Variants in DSCAML1 observed in about 807,000 individuals in gnomAD.
DSCAML1 encodes cell adhesion molecule DSCAML1.
Under a neutral mutation model 200.5 loss-of-function variants are expected in DSCAML1, and 38 were observed. That is an observed-to-expected ratio of 0.19 (90% CI 0.15 to 0.25). The LOEUF (loss-of-function observed/expected upper bound fraction) is 0.25, where lower values mean the gene tolerates loss of function less well. Ranked by LOEUF, DSCAML1 falls within the 10% of genes least tolerant of loss-of-function variation. DSCAML1 has a pLI of 1.00. For missense variants in DSCAML1, 2,223 were observed against 2,858.8 expected, an observed-to-expected ratio of 0.78 and a Z score of 5.07; for synonymous variants, 1,215 against 1,165.0, an observed-to-expected ratio of 1.04 and a Z score of -0.87.
intron 3 of DSCAML1, among the ~76,000 whole-genome samples, chr11:117,589,730 G>A (rs2051221783): frequency 6.6e-6 from 1 of 152,176 alleles, no homozygotes; most frequent in Non-Finnish European, 1.5e-5. Context: ...CTTTCAAACG[G>A]GGAAGTTCTT....
intron 14 of DSCAML1, among the ~76,000 whole-genome samples, chr11:117,478,341 G>C (rs190582077): frequency 3.9e-4 from 60 of 152,290 alleles, no homozygotes; most frequent in African/African-American, 1.3e-3. Context: ...AGTGCCATGA[G>C]GGATGTCACC....
At chr11:117,571,788 A>G (rs559394940) in intron 3 of DSCAML1, among the ~76,000 whole-genome samples, 2 of 152,320 alleles carry the variant, frequency 1.3e-5, no homozygotes, top group African/African-American at 4.8e-5. Context: ...CGGCTAAGGA[A>G]TTCTAAGTCA....
intron 3 of DSCAML1, among the ~76,000 whole-genome samples, chr11:117,537,442 G>A (rs996119445): frequency 2.0e-5 from 3 of 152,216 alleles, no homozygotes; most frequent in Admixed American, 6.5e-5. Context: ...TGTACAAAGG[G>A]GGGCTGGGCC....
Position 117,524,946 on chromosome 11 carries a change from G to A in DSCAML1, c.796C>T (p.Leu266Phe). The A allele has an allele frequency of 1.2e-6, 2 of 1,613,574 alleles. No individual in the cohort carries two copies. The highest frequency in any genetic ancestry group is 1.7e-6 in the Non-Finnish European group (2 of 1,179,854). Residue 266 changes from leucine (L) to phenylalanine (F), a missense_variant, in exon 5 of 33, where the codon CTC becomes TTC. This residue lies in a region of DSCAML1 where 579 missense variants were observed against 721.5 expected (regional missense o/e 0.80). Transcript: ENST00000651296. Reference protein sequence around the residue: ...AIRWLKDGRPLPADSRWTKRI... With the variant: ...AIRWLKDGRPFPADSRWTKRI... ...TTGGTCCAGCGGCTGTCAGCCGGGA[G>A]GGGCCGGCCATCCTTGAGCCAGCGG... is the stretch of plus-strand genomic sequence containing the variant.
intron 21 of DSCAML1, among the ~76,000 whole-genome samples, chr11:117,441,300 G>T (rs1259341746): frequency 6.6e-6 from 1 of 152,222 alleles, no homozygotes; most frequent in Non-Finnish European, 1.5e-5. Flanking sequence ...TGCAGCCACA[G>T]CTGTAGCTAG....
At position 117,428,696 on chromosome 11, in the gene DSCAML1, T is replaced by C. The variant is rs1280537654; in HGVS notation, c.5794A>G (p.Asn1932Asp). The C allele has an allele frequency of 1.9e-6, 3 of 1,613,074 alleles. No homozygotes were observed. Residue 1932 changes from asparagine (N) to aspartate (D), a missense_variant, in exon 33 of 33, where the codon AAC (asparagine) becomes GAC (aspartate). Physicochemically the swap from Asn to Asp is conservative, Grantham distance 23. Around this residue, in one of 7 missense-constraint regions of DSCAML1, gnomAD observed 280 missense variants for 213.4 expected, o/e 1.31. Coordinates refer to ENST00000651296, the MANE Select transcript of DSCAML1 (RefSeq NM_020693.4). ...TGGGTGTGGTAGGTTCGAGCCAGGT[T>C]CCGGATGGAGGCCTCACGGGGTGGG... is the stretch of plus-strand genomic sequence containing the variant. ...VVPPREASIR[N>D]LARTYHTQAR...
At chr11:117,761,829 C>T (rs757954174) in intron 3 of DSCAML1, among the ~76,000 whole-genome samples, 1 of 152,210 alleles carries the variant, frequency 6.6e-6, no homozygotes, top group Non-Finnish European at 1.5e-5. Flanking sequence ...TGAGACTATG[C>T]CCCTGCACTT....
chr11:117,760,627 T>C (rs2054782056), intron 3 of DSCAML1, among the ~76,000 whole-genome samples: 1 of 152,210 alleles, frequency 6.6e-6, no homozygotes, highest in African/African-American at 2.4e-5. Context: ...TGGCTTCTGA[T>C]TTTTTGCTAT....
At chr11:117,734,491 C>G (rs919014127) in intron 3 of DSCAML1, among the ~76,000 whole-genome samples, 2 of 152,196 alleles carry the variant, frequency 1.3e-5, no homozygotes, top group Non-Finnish European at 2.9e-5. Flanking sequence ...AGACTTGGGC[C>G]ACCTCGGGCT....
chr11:117,563,931 C>T (rs150622877), intron 3 of DSCAML1, among the ~76,000 whole-genome samples: 114 of 152,224 alleles, frequency 7.5e-4, no homozygotes, highest in Middle Eastern at 3.4e-3. Context: ...GCATCTGTGA[C>T]GGGTGCCAGT....
At chr11:117,558,752 C>T (rs1175854293) in intron 3 of DSCAML1, among the ~76,000 whole-genome samples, 1 of 152,212 alleles carries the variant, frequency 6.6e-6, no homozygotes, top group Non-Finnish European at 1.5e-5. Context: ...GGGCTTACAA[C>T]TCTAAGGGGT....
At chr11:117,813,927 CGCATCCCCTGTGACTT>C in intron 1 of DSCAML1, among the ~76,000 whole-genome samples, 1 of 152,354 alleles carries the variant, frequency 6.6e-6, no homozygotes, top group East Asian at 1.9e-4. Flanking sequence ...GCCAAGCCAT[CGCATCCCCTGTGACTT>C]GCACCTATAC....
chr11:117,645,057 C>T (rs2052495287), intron 3 of DSCAML1, among the ~76,000 whole-genome samples: 1 of 152,244 alleles, frequency 6.6e-6, no homozygotes. Flanking sequence ...AAAGCCTCGG[C>T]TTCACCTGCA....
intron 3 of DSCAML1, 26 bp from the exon 4 acceptor site, chr11:117,532,548 C>G (rs757808658): frequency 6.2e-7 from 1 of 1,603,318 alleles, no homozygotes; most frequent in Non-Finnish European, 8.5e-7. Flanking sequence ...GGACATAGTT[C>G]GTTACTTCCC....
chr11:117,484,885 C>CAG (rs2049006728), intron 11 of DSCAML1, among the ~76,000 whole-genome samples: 1 of 107,786 alleles, frequency 9.3e-6, no homozygotes, highest in Non-Finnish European at 2.0e-5. Flanking sequence ...AGCAGAGGAA[C>CAG]AGTGTGTGTG....
intron 3 of DSCAML1, among the ~76,000 whole-genome samples, chr11:117,722,306 T>TAAAAAAAA (rs34365570): frequency 8.8e-6 from 1 of 114,262 alleles, no homozygotes. Context: ...ATGGGGGAGC[T>TAAAAAAAA]AAAAAAAAAA....
intron 3 of DSCAML1, among the ~76,000 whole-genome samples, chr11:117,702,530 C>T (rs1229307362): frequency 6.6e-6 from 1 of 152,072 alleles, no homozygotes; most frequent in Non-Finnish European, 1.5e-5. Flanking sequence ...GCTGCTTACC[C>T]TCCTTCACAG....
At chr11:117,441,759 G>A (rs1863215889) in intron 21 of DSCAML1, among the ~76,000 whole-genome samples, 1 of 152,108 alleles carries the variant, frequency 6.6e-6, no homozygotes, top group South Asian at 2.1e-4. Context: ...GGTGCCAAGG[G>A]GCTCTCAGAG....
intron 3 of DSCAML1, among the ~76,000 whole-genome samples, chr11:117,769,435 T>A (rs1409752987): frequency 3.2e-5 from 2 of 61,868 alleles, no homozygotes; most frequent in Non-Finnish European, 5.7e-5. Flanking sequence ...TATATATTTT[T>A]ATATAATATA....
Sources: allele counts gnomAD v4.1 joint callset (sites outside exome capture counted in the v4.1 genomes callset), GRCh38; gene constraint gnomAD v4.1.1; regional missense constraint gnomAD v4.1.1; transcripts MANE v1.5; gene names NCBI Gene and HGNC (gene_info 2026-07-23, HGNC 2026-07-21).